ANK3: variants seen among roughly 807,000 people sequenced by gnomAD.
ANK3 encodes the protein ankyrin-3.
In ANK3, 57 loss-of-function variants were observed where a neutral mutation model predicts 370.9. That is an observed-to-expected ratio of 0.15 (90% CI 0.12 to 0.19). The LOEUF is 0.19. Among genes scored for constraint, ANK3 ranks in the 10% least tolerant of loss-of-function variants. ANK3 has a pLI of 1.00. For missense variants in ANK3, 4,439 were observed against 5,302.1 expected (o/e 0.84, Z 5.06); for synonymous variants, 1,929 against 1,946.3 (o/e 0.99, Z 0.23).
chr10:60,124,082 G>A (rs1216088550), intron 25 of ANK3, among the ~76,000 whole-genome samples: 1 of 152,226 alleles, frequency 6.6e-6, no homozygotes, highest in East Asian at 1.9e-4. Context: ...CCCAAGTAAT[G>A]TGAAAGTGGC....
chr10:60,373,879 A>C (rs551253897), intron 1 of ANK3, among the ~76,000 whole-genome samples: 46 of 152,254 alleles, frequency 3.0e-4, no homozygotes, highest in Non-Finnish European at 1.0e-4. Flanking sequence ...ACCCCAGATG[A>C]ACCTGATGAA....
chr10:60,085,481 C>T (rs1362543455), intron 30 of ANK3, among the ~76,000 whole-genome samples: 1 of 151,962 alleles, frequency 6.6e-6, no homozygotes, highest in Non-Finnish European at 1.5e-5. Context: ...AAAAAAATTC[C>T]TTGTTTTTTG....
intron 1 of ANK3, among the ~76,000 whole-genome samples, chr10:60,623,663 G>T (rs2078369438): frequency 6.6e-6 from 1 of 152,164 alleles, no homozygotes; most frequent in Admixed American, 6.5e-5. Context: ...AATTTACCTG[G>T]CAAGGATATT....
intron 2 of ANK3, among the ~76,000 whole-genome samples, chr10:60,586,342 C>T (rs1197608738): frequency 6.6e-6 from 1 of 152,160 alleles, no homozygotes; most frequent in African/African-American, 2.4e-5. Flanking sequence ...AGAGCAGAAA[C>T]ACCTCATAAT....
chr10:60,445,830 C>T (rs1008754939), intron 2 of ANK3, among the ~76,000 whole-genome samples: 10 of 152,138 alleles, frequency 6.6e-5, no homozygotes, highest in Non-Finnish European at 1.0e-4. Context: ...ACCAGCATGT[C>T]AATCAATGAC....
At chr10:60,204,732 G>T (rs1375849616) in intron 11 of ANK3, among the ~76,000 whole-genome samples, 1 of 152,080 alleles carries the variant, frequency 6.6e-6, no homozygotes, top group African/African-American at 2.4e-5. Context: ...TGCTTCCAAG[G>T]AGCCTTCAGC....
At chr10:60,030,560 C>G (rs954933287) in intron 43 of ANK3, among the ~76,000 whole-genome samples, 2 of 152,114 alleles carry the variant, frequency 1.3e-5, no homozygotes, top group African/African-American at 4.8e-5. Flanking sequence ...ATAGGAGGAA[C>G]CTAAGTTCTC....
At chr10:60,250,168 A>T (rs1342551607) in intron 7 of ANK3, among the ~76,000 whole-genome samples, 4 of 152,356 alleles carry the variant, frequency 2.6e-5, no homozygotes, top group Non-Finnish European at 5.9e-5. Flanking sequence ...AAACATTTTC[A>T]TAACATAGCA....
rs755994684 is a variant in ANK3, at chr10:60,070,707, T to A, written c.10174A>T (p.Ile3392Phe). ...GTGGTGGCAATGGAACACTCTGTGA[T>A]GGACTGGTCGTTGTTCCCATTCTGG... ...IAQNGNNDQS[I>F]TECSIATTAE... is the part of the protein sequence containing the mutation. Residue 3392 changes from isoleucine (I) to phenylalanine (F), a missense_variant, in exon 37 of 44, where the codon ATC becomes TTC. Ile to Phe is a conservative substitution (Grantham distance 21). Coordinates refer to ENST00000280772, the MANE Select transcript of ANK3 (RefSeq NM_020987.5). The surrounding 1 kb of genome is among the most constrained non-coding windows in gnomAD (Gnocchi z 5.7). 1.2e-6 allele frequency: 2 copies of A among 1,614,086 alleles called. No individual in the cohort carries two copies. The highest frequency in any genetic ancestry group is 1.7e-6 in the Non-Finnish European group (2 of 1,180,034).
intron 1 of ANK3, among the ~76,000 whole-genome samples, chr10:60,351,996 T>C (rs2056956546): frequency 6.6e-6 from 1 of 152,232 alleles, no homozygotes; most frequent in Non-Finnish European, 1.5e-5. Context: ...TTGAATTCTG[T>C]ATTAAAATAA....
chr10:60,682,697 G>A (rs1349321943), intron 1 of ANK3, among the ~76,000 whole-genome samples: 1 of 152,156 alleles, frequency 6.6e-6, no homozygotes, highest in Non-Finnish European at 1.5e-5. Context: ...CAACAGAACT[G>A]TATTGAGAGA....
At chr10:60,676,513 T>C (rs1206682207) in intron 1 of ANK3, among the ~76,000 whole-genome samples, 3 of 152,224 alleles carry the variant, frequency 2.0e-5, no homozygotes. Context: ...AGAATTCATT[T>C]CTGTGTTTCT....
chr10:60,719,423 T>C (rs1273674346), intron 1 of ANK3, among the ~76,000 whole-genome samples: 1 of 152,112 alleles, frequency 6.6e-6, no homozygotes, highest in Non-Finnish European at 1.5e-5. Flanking sequence ...AGATTAACCA[T>C]TTGCCTAAGC....
intron 2 of ANK3, among the ~76,000 whole-genome samples, chr10:60,465,546 A>G (rs1008403260): frequency 8.5e-5 from 13 of 152,158 alleles, no homozygotes; most frequent in Non-Finnish European, 1.6e-4. Flanking sequence ...TTCCTCTTGA[A>G]GAGTTTTGGG....
intron 28 of ANK3, among the ~76,000 whole-genome samples, chr10:60,094,181 ATTTT>A (rs1169437967): frequency 0.039 from 4,573 of 116,358 alleles, 209 homozygotes; most frequent in African/African-American, 0.14. Context: ...ACAGTATTCT[ATTTT>A]TTTTTTTTTT....
chr10:60,575,355 G>A (rs1013216466), intron 2 of ANK3, among the ~76,000 whole-genome samples: 4 of 151,720 alleles, frequency 2.6e-5, no homozygotes, highest in Admixed American at 6.6e-5. Flanking sequence ...AAAAAAGGAC[G>A]TTTGAAGACT....
intron 2 of ANK3, among the ~76,000 whole-genome samples, chr10:60,603,978 A>T (rs565757410): frequency 6.6e-6 from 1 of 152,204 alleles, no homozygotes; most frequent in Non-Finnish European, 1.5e-5. Flanking sequence ...GCATTTGTTT[A>T]AAAACTGTTC....
intron 7 of ANK3, among the ~76,000 whole-genome samples, chr10:60,250,612 T>A (rs535724458): frequency 3.3e-5 from 5 of 152,090 alleles, no homozygotes; most frequent in Admixed American, 6.5e-5. Flanking sequence ...TGATCTGCCC[T>A]CCTTGGCCTC....
chr10:60,510,000 T>C (rs1298921668), intron 2 of ANK3, among the ~76,000 whole-genome samples: 2 of 152,128 alleles, frequency 1.3e-5, no homozygotes, highest in Non-Finnish European at 2.9e-5. Context: ...TCTCATTTTT[T>C]AGAGCTGTCT....
Sources: gnomAD v4.1 joint callset for allele counts (sites outside exome capture counted in the v4.1 genomes callset) on GRCh38, gnomAD v4.1.1 for gene constraint, Gnocchi (gnomAD v3.1) non-coding constraint, MANE v1.5 for transcripts, NCBI Gene and HGNC (gene_info 2026-07-23, HGNC 2026-07-21) for gene names.